GPC2: variants seen among roughly 807,000 people sequenced by gnomAD.
The protein encoded by GPC2 is glypican-2.
A neutral mutation model predicts 57.3 loss-of-function variants in GPC2; 42 were observed. The observed-to-expected ratio is 0.73, with a 90% CI of 0.57 to 0.95. The LOEUF is 0.95. GPC2 is among the 40% of genes least tolerant of loss of function. GPC2 has a pLI of 0.00. For missense variants in GPC2, 745 were observed against 793.6 expected, an observed-to-expected ratio of 0.94 and a Z score of 0.74; for synonymous variants, 364 against 343.4, an observed-to-expected ratio of 1.06 and a Z score of -0.66.
intron 2 of GPC2, 148 bp from the exon 3 acceptor site, chr7:100,176,042 G>A: frequency 1.2e-6 from 1 of 816,662 alleles, no homozygotes; most frequent in Non-Finnish European, 1.9e-6. Flanking sequence ...GGGCAGACAG[G>A]GAATGGGGGA....
rs12668498 is a variant in GPC2, at chr7:100,174,977, T to C, written c.649-212A>G. ...AAACAAAGGAAGGCTTGGGAAGAGATGGAGGGATTATGTTGTACAGGGCTT... is the reference window on the plus strand; with the variant it reads ...AAACAAAGGAAGGCTTGGGAAGAGACGGAGGGATTATGTTGTACAGGGCTT... On this transcript the variant is annotated intron_variant, in intron 3 of 9. Coordinates refer to ENST00000292377, the MANE Select transcript of GPC2 (RefSeq NM_152742.3). 0.022 allele frequency among the ~76,000 whole-genome samples: 3,379 copies of C among 151,868 alleles called. 204 individuals carry two copies. In the East Asian group the frequency reaches 0.25, roughly 11 times the overall value.
chr7:100,176,063 C>T lies in GPC2; in HGVS notation c.325+144G>A, dbSNP rs573621139. ...ACAGGGAATGGGGGAGGGCAGGGCC[C>T]TGGAGACAGAGTCTGGGGGGTGGGC... On this transcript the variant is annotated intron_variant, in intron 2 of 9. Transcript: ENST00000292377. 2.2e-5 allele frequency: 8 copies of T among 370,002 alleles called. No homozygotes were observed. In the South Asian group the frequency reaches 2.5e-4, roughly 12 times the overall value. The allele number at this position is 370,002 out of a possible 1,614,324, so 22.9% of individuals were successfully genotyped here. A position where few individuals can be genotyped will look rare whatever the true frequency, so the allele number is the denominator to read the frequency against.
rs534581201 is a variant in GPC2, at chr7:100,174,084, A to G, written c.730-87T>C. On this transcript the variant is annotated intron_variant, in intron 4 of 9. Coordinates refer to ENST00000292377, the MANE Select transcript of GPC2 (RefSeq NM_152742.3). ...GGTGCTGGGCACAGACAGAAATCAC[A>G]TACCCCACCCTACACCTAGGGTTGG... The G allele has an allele frequency of 4.8e-6, 6 of 1,250,580 alleles. No homozygotes were observed. In the East Asian group the frequency reaches 1.6e-4, roughly 34 times the overall value. 77.5% of individuals were successfully genotyped at this position (1,250,580 alleles called of 1,614,324 possible). A position where few individuals can be genotyped will look rare whatever the true frequency, so the allele number is the denominator to read the frequency against.
intron 5 of GPC2, 171 bp downstream of exon 5, chr7:100,173,664 C>T (rs757051757): frequency 8.1e-5 from 35 of 429,732 alleles, no homozygotes; most frequent in African/African-American, 1.2e-4. Context: ...CTCTCTCTCT[C>T]TCTTTCTTTC....
intron 1 of GPC2, among the ~76,000 whole-genome samples, chr7:100,176,572 T>C (rs1304930269): frequency 6.6e-6 from 1 of 152,128 alleles, no homozygotes; most frequent in East Asian, 1.9e-4. Flanking sequence ...CGGGATCATC[T>C]ATTTAACAGC....
At chr7:100,174,855 G>T in intron 3 of GPC2, 90 bp from the exon 4 acceptor site, 2 of 954,524 alleles carry the variant, frequency 2.1e-6, no homozygotes, top group South Asian at 1.5e-5. Context: ...AGAGCAGTGA[G>T]GGTTGGGTGT....
intron 9 of GPC2, 42 bp from the exon 10 acceptor site, chr7:100,170,525 GCAGAGGGAGA>G: frequency 7.0e-7 from 1 of 1,424,030 alleles, no homozygotes; most frequent in Non-Finnish European, 9.2e-7. Flanking sequence ...GGAGGGAGAA[GCAGAGGGAGA>G]CAGAGGGAGG....
intron 6 of GPC2, 69 bp downstream of exon 6, chr7:100,172,018 T>G: frequency 6.3e-7 from 1 of 1,589,750 alleles, no homozygotes; most frequent in South Asian, 1.1e-5. Context: ...CCAGATCCCC[T>G]ATACTGCCTC....
In GPC2 at chr7:100,171,262, C is replaced by T; in HGVS notation, c.1485G>A (p.Ala495=). The change falls in exon 9 of 10, where the codon GCG becomes GCA. Residue 495 remains alanine (A), a splice_region_variant and synonymous_variant. Transcript: ENST00000292377. This position sits in a 1 kb window ranked among gnomAD's most constrained non-coding sequence, Gnocchi z 4.8. Reference sequence around the variant, plus strand: ...GGCTCAGGGATGCAGGGGTCTCACCCGCGTCCTGCCCGTCCAGGTCGTGTC... The same window carrying T: ...GGCTCAGGGATGCAGGGGTCTCACCTGCGTCCTGCCCGTCCAGGTCGTGTC... ...ALGHDLDGQD[A]DEDASGSGGG... 3 of 1,531,698 alleles carry T rather than the reference C, an allele frequency of 2.0e-6. No individual in the cohort carries two copies. The highest frequency in any genetic ancestry group is 2.6e-6 in the Non-Finnish European group (3 of 1,138,230). 94.9% of individuals were successfully genotyped at this position (1,531,698 alleles called of 1,614,324 possible). A position where few individuals can be genotyped will look rare whatever the true frequency, so the allele number is the denominator to read the frequency against.
rs143805779 is a variant in GPC2 at position 100,173,590 on chromosome 7, TTTTC to T, written c.892+241_892+244del. 1,695 of 293,784 alleles carry T rather than the reference TTTTC, an allele frequency of 5.8e-3. 18 individuals carry two copies. Among genetic ancestry groups the T allele is most frequent in the East Asian group, 0.012 (211 of 17,644 alleles). The allele number at this position is 293,784 out of a possible 1,614,324, so 18.2% of individuals were successfully genotyped here. A position where few individuals can be genotyped will look rare whatever the true frequency, so the allele number is the denominator to read the frequency against. ...CTACCATGCCTGGCTGATTTCTTTC[TTTTC>T]TTTCTTTCTTTCTTTCTTTTTCTTT... On this transcript the variant is annotated intron_variant, in intron 5 of 9. Coordinates refer to ENST00000292377, the MANE Select transcript of GPC2 (RefSeq NM_152742.3).
rs1248903096 is a variant in GPC2 at position 100,175,895 on chromosome 7, C to G, written c.326-1G>C. The G allele has an allele frequency of 1.2e-6, 2 of 1,612,648 alleles. No individual in the cohort carries two copies. ...ACTGAGAGCATCTCCAGAAAAAACT[C>G]TGCAGCAAATGCAGGGAACAGGTGG... On this transcript the variant is annotated splice_acceptor_variant, in intron 2 of 9. Coordinates refer to ENST00000292377, the MANE Select transcript of GPC2 (RefSeq NM_152742.3). LOFTEE classifies it high-confidence loss of function.
intron 5 of GPC2, chr7:100,173,559 C>T (rs375104449): frequency 5.6e-5 from 12 of 212,824 alleles, no homozygotes; most frequent in South Asian, 1.6e-4. Flanking sequence ...ACTACAGGCG[C>T]GGGCGCTACC....
intron 2 of GPC2, 46 bp downstream of exon 2, chr7:100,176,161 A>C (rs778449492): frequency 2.6e-5 from 40 of 1,537,798 alleles, no homozygotes; most frequent in Non-Finnish European, 3.5e-5. Context: ...GGTCCTAAGC[A>C]CCGAGAGGAG....
chr7:100,171,167 G>A lies in GPC2; in HGVS notation c.1486+94C>T, dbSNP rs978101549. On this transcript the variant is annotated intron_variant, in intron 9 of 9. Transcript: ENST00000292377. This position sits in a 1 kb window ranked among gnomAD's most constrained non-coding sequence, Gnocchi z 4.8. Reference sequence around the variant, plus strand: ...TGAATTAGTGAATTAATCAATGAACGCTAAGAGCAGAGGCACGGGCGGGAA... The same window carrying A: ...TGAATTAGTGAATTAATCAATGAACACTAAGAGCAGAGGCACGGGCGGGAA... 7.2e-6 allele frequency: 8 copies of A among 1,111,888 alleles called. No individual in the cohort carries two copies. The highest frequency in any genetic ancestry group is 8.6e-6 in the Non-Finnish European group (7 of 811,528). The allele number at this position is 1,111,888 out of a possible 1,614,324, so 68.9% of individuals were successfully genotyped here.
chr7:100,172,119 G>C lies in GPC2; in HGVS notation c.991C>G (p.Leu331Val), dbSNP rs747770107. The change falls in exon 6 of 10, where the codon CTG becomes GTG. Residue 331 changes from leucine (L) to valine (V), a missense_variant. Transcript: ENST00000292377. The stretch of plus-strand genomic sequence containing the variant: ...GACACCTTCGCACTGTTTTCCTGCA[G>C]GTACATCAAACCCTCCGAGATCTTC... ...GVKISEGLMY[L>V]QENSAKVSAQ... The C allele has an allele frequency of 4.5e-6, 7 of 1,554,686 alleles. No homozygotes were observed. The South Asian group carries it at 5.8e-5, about 13-fold the overall frequency.
In GPC2 at chr7:100,170,058, C is replaced by A; in HGVS notation, c.*172G>T. 3 of 522,262 alleles carry A rather than the reference C, an allele frequency of 5.7e-6. No homozygotes were observed. Among genetic ancestry groups the A allele is most frequent in the Non-Finnish European group, 6.6e-6 (2 of 304,288 alleles). 32.4% of individuals were successfully genotyped at this position (522,262 alleles called of 1,614,324 possible). A position where few individuals can be genotyped will look rare whatever the true frequency, so the allele number is the denominator to read the frequency against. ...CAAATGAAAAAATAAATATTGTGAACACCCACCCACCTCTGATGAAAATCT... is the reference window on the plus strand; with the variant it reads ...CAAATGAAAAAATAAATATTGTGAAAACCCACCCACCTCTGATGAAAATCT... On this transcript the variant is annotated 3_prime_UTR_variant, in exon 10 of 10. Coordinates refer to ENST00000292377, the MANE Select transcript of GPC2 (RefSeq NM_152742.3).
Position 100,177,139 on chromosome 7 carries a change from C to T in GPC2, c.61G>A (p.Gly21Arg), listed in dbSNP as rs747961336. 9 of 1,613,548 alleles carry T rather than the reference C, an allele frequency of 5.6e-6. No homozygotes were observed. In the African/African-American group the frequency reaches 9.3e-5, roughly 17 times the overall value. Residue 21 changes from glycine (G) to arginine (R), a missense_variant, in exon 1 of 10, where the codon GGA (glycine) becomes AGA (arginine). Transcript: ENST00000292377. ...GTGACCTTTGCCTCGCTCCCGGGTC[C>T]GGGACCAGGACCGGGACACAGAGGC... ...LLPLCPGPGPGPGSEAKVTRS... is the reference protein window; with the variant it reads ...LLPLCPGPGPRPGSEAKVTRS...
In GPC2 at chr7:100,176,142, C is replaced by G. The variant is rs1368625405; in HGVS notation, c.325+65G>C. 8.3e-6 allele frequency: 12 copies of G among 1,454,300 alleles called. No homozygotes were observed. In the East Asian group the frequency reaches 1.7e-4, roughly 21 times the overall value. The allele number at this position is 1,454,300 out of a possible 1,614,324, so 90.1% of individuals were successfully genotyped here. ...ATGGAGTAAGGAGTGGGGACAGGAG[C>G]CTTGCTGGGGTCCTAAGCACCGAGA... On this transcript the variant is annotated intron_variant, in intron 2 of 9. Transcript: ENST00000292377.
chr7:100,174,271 C>T (rs997078779), intron 4 of GPC2: 1 of 511,920 alleles, frequency 2.0e-6, no homozygotes, highest in Non-Finnish European at 3.5e-6. Context: ...AGGGAGGAGG[C>T]GGTCAGGAGG....
Sources: allele counts gnomAD v4.1 joint callset (sites outside exome capture counted in the v4.1 genomes callset), GRCh38; gene constraint gnomAD v4.1.1; non-coding constraint Gnocchi (gnomAD v3.1); transcripts MANE v1.5; gene names NCBI Gene and HGNC (gene_info 2026-07-23, HGNC 2026-07-21).